The following PCLO variants were observed in gnomAD, a reference collection of about 807,000 sequenced individuals.
The protein encoded by PCLO is protein piccolo.
PCLO carries 82 observed loss-of-function variants against 427.5 expected under a neutral mutation model. The ratio of observed to expected loss-of-function variants is 0.19; its 90% CI spans 0.16 to 0.23. The LOEUF (loss-of-function observed/expected upper bound fraction) is 0.23, where lower values mean the gene tolerates loss of function less well. Ranked by LOEUF, PCLO falls within the 10% of genes least tolerant of loss-of-function variation. The pLI is 1.00. For missense variants in PCLO, 6,239 were observed against 6,115.9 expected (o/e 1.02, Z -0.67); for synonymous variants, 2,357 against 2,155.4 (o/e 1.09, Z -2.59).
intron 3 of PCLO, among the ~76,000 whole-genome samples, chr7:83,046,926 T>C (rs1789117724): frequency 1.3e-5 from 2 of 151,984 alleles, no homozygotes; most frequent in East Asian, 1.9e-4. Flanking sequence ...AAAATCAATA[T>C]GAGACAACAA....
chr7:82,832,136 T>A (rs1013649127), intron 16 of PCLO, among the ~76,000 whole-genome samples: 7 of 152,186 alleles, frequency 4.6e-5, no homozygotes, highest in Admixed American at 4.6e-4. Flanking sequence ...TTATATCTAA[T>A]AATTAAAGAA....
intron 3 of PCLO, among the ~76,000 whole-genome samples, chr7:83,005,649 C>T (rs1787928205): frequency 6.6e-6 from 1 of 151,614 alleles, no homozygotes; most frequent in Admixed American, 6.6e-5. Context: ...ATATGTTTAT[C>T]TGCTTGGCTG....
At chr7:82,897,680 A>C (rs1793939708) in intron 9 of PCLO, among the ~76,000 whole-genome samples, 1 of 151,520 alleles carries the variant, frequency 6.6e-6, no homozygotes, top group African/African-American at 2.4e-5. Context: ...TTTAAGTCAT[A>C]CCATGGATGA....
At chr7:82,999,315 TG>T (rs1285156431) in intron 3 of PCLO, among the ~76,000 whole-genome samples, 2 of 139,150 alleles carry the variant, frequency 1.4e-5, no homozygotes, top group Non-Finnish European at 1.5e-5. Context: ...TAAATATATA[TG>T]GATATGTAAT....
chr7:83,023,775 C>A (rs1026322418), intron 3 of PCLO, among the ~76,000 whole-genome samples: 1 of 152,088 alleles, frequency 6.6e-6, no homozygotes, highest in Non-Finnish European at 1.5e-5. Flanking sequence ...ATGTCTTATG[C>A]CCACCACAGT....
chr7:82,805,013 A>G (rs1791430068), intron 21 of PCLO, among the ~76,000 whole-genome samples: 1 of 152,122 alleles, frequency 6.6e-6, no homozygotes, highest in Non-Finnish European at 1.5e-5. Context: ...TTTATCTTAA[A>G]TGCCACCAAT....
At chr7:82,795,931 G>C (rs1326229620) in intron 22 of PCLO, among the ~76,000 whole-genome samples, 1 of 152,104 alleles carries the variant, frequency 6.6e-6, no homozygotes, top group Non-Finnish European at 1.5e-5. Context: ...AAGTAAATCA[G>C]AGCAACAACT....
At chr7:83,023,657 G>C (rs1311729812) in intron 3 of PCLO, among the ~76,000 whole-genome samples, 1 of 152,164 alleles carries the variant, frequency 6.6e-6, no homozygotes, top group Non-Finnish European at 1.5e-5. Context: ...CAGTATTTTT[G>C]CTTGCCCCCC....
chr7:82,789,218 T>C (rs1391429439), intron 22 of PCLO, among the ~76,000 whole-genome samples: 1 of 152,094 alleles, frequency 6.6e-6, no homozygotes, highest in Non-Finnish European at 1.5e-5. Context: ...AAAACACCCA[T>C]AAATCAATGA....
At chr7:83,122,286 CTTTTTTTTTTTTT>C (rs71074624) in intron 3 of PCLO, among the ~76,000 whole-genome samples, 3 of 128,302 alleles carry the variant, frequency 2.3e-5, no homozygotes, top group African/African-American at 8.9e-5. Context: ...CTTTTCTTTT[CTTTTTTTTTTTTT>C]TTTTTTTATG....
At chr7:83,162,253 A>C in intron 1 of PCLO, 92 bp downstream of exon 1, 6 of 1,415,086 alleles carry the variant, frequency 4.2e-6, no homozygotes, top group Non-Finnish European at 5.7e-6. Flanking sequence ...GGCGACATAT[A>C]TGTACCGCCG....
intron 3 of PCLO, among the ~76,000 whole-genome samples, chr7:83,010,801 C>T (rs944487421): frequency 6.6e-6 from 1 of 151,820 alleles, no homozygotes; most frequent in African/African-American, 2.4e-5. Flanking sequence ...GTCCCTCCTC[C>T]ATGTAAAGAA....
intron 3 of PCLO, among the ~76,000 whole-genome samples, chr7:83,002,479 C>G (rs1241654079): frequency 6.6e-6 from 1 of 151,806 alleles, no homozygotes; most frequent in Non-Finnish European, 1.5e-5. Context: ...GTTGACAATG[C>G]AATTTTTACA....
chr7:83,097,143 T>C (rs1446748473), intron 3 of PCLO, among the ~76,000 whole-genome samples: 1 of 94,480 alleles, frequency 1.1e-5, no homozygotes, highest in African/African-American at 3.8e-5. Flanking sequence ...TTATACATTA[T>C]ATAAATATAT....
intron 3 of PCLO, among the ~76,000 whole-genome samples, chr7:82,975,277 A>G (rs567937115): frequency 2.0e-5 from 3 of 152,360 alleles, no homozygotes; most frequent in East Asian, 1.9e-4. Context: ...AAGATTACAA[A>G]GAAATATGCA....
rs941741658 is a variant in PCLO, at chr7:82,754,694, T to C, written c.*3881A>G. The stretch of plus-strand genomic sequence containing the variant: ...ACCTTTAATAATAGAACATGAAACA[T>C]ACAGAAAACAGCATTGTATCATATT... On this transcript the variant is annotated 3_prime_UTR_variant, in exon 25 of 25. Coordinates refer to ENST00000333891, the MANE Select transcript of PCLO (RefSeq NM_033026.6). 1.3e-5 allele frequency: 2 copies of C among 152,060 alleles called. No individual in the cohort carries two copies. Among genetic ancestry groups the C allele is most frequent in the African/African-American group, 4.8e-5 (2 of 41,448 alleles). 9.4% of individuals were successfully genotyped at this position (152,060 alleles called of 1,614,324 possible).
At chr7:82,863,482 T>C (rs1562824637) in intron 10 of PCLO, among the ~76,000 whole-genome samples, 1 of 151,894 alleles carries the variant, frequency 6.6e-6, no homozygotes, top group Non-Finnish European at 1.5e-5. Context: ...ATAAATAACA[T>C]AAAAAATCAA....
intron 6 of PCLO, among the ~76,000 whole-genome samples, chr7:82,923,955 A>G (rs927319454): frequency 3.3e-5 from 5 of 152,084 alleles, no homozygotes; most frequent in Admixed American, 2.6e-4. Context: ...ATACCATGTC[A>G]ATCAAAAACG....
At position 82,915,968 on chromosome 7, in the gene PCLO, G is replaced by A; in HGVS notation, c.12018C>T (p.Tyr4006=). Residue 4006 remains tyrosine (Y), a synonymous_variant, in exon 7 of 25, where the codon TAC becomes TAT. Transcript: ENST00000333891. The stretch of plus-strand genomic sequence containing the variant: ...AACCTATTCTCAAGTCTAAACTATT[G>A]TACTTACTACCAAGATGGGAAACAG... ...TFAVSHLGSK[Y]NSLDLRIGLE... 6.2e-7 allele frequency: 1 copy of A among 1,612,794 alleles called. No homozygotes were observed. Among genetic ancestry groups the A allele is most frequent in the Non-Finnish European group, 8.5e-7 (1 of 1,179,748 alleles).
Sources: gnomAD v4.1 joint callset for allele counts (sites outside exome capture counted in the v4.1 genomes callset) on GRCh38, gnomAD v4.1.1 for gene constraint, MANE v1.5 for transcripts, NCBI Gene and HGNC (gene_info 2026-07-23, HGNC 2026-07-21) for gene names.